Variants in ABCG2 observed in about 807,000 individuals in gnomAD.
ABCG2 encodes the protein ATP binding cassette subfamily G member 2 (JR blood group).
In ABCG2, 80 loss-of-function variants were observed where a neutral mutation model predicts 73.5. The ratio of observed to expected loss-of-function variants is 1.09; its 90% CI spans 0.91 to 1.31. The LOEUF (loss-of-function observed/expected upper bound fraction) is 1.31, where lower values mean the gene tolerates loss of function less well. Ranked by LOEUF, ABCG2 falls within the 50% of genes most tolerant of loss-of-function variation. ABCG2 has a pLI of 0.00. For missense variants in ABCG2, 796 were observed against 786.2 expected (o/e 1.01, Z -0.15); for synonymous variants, 269 against 282.4 (o/e 0.95, Z 0.48).
Position 88,158,443 on chromosome 4 carries a change from C to T in ABCG2, c.-77G>A, listed in dbSNP as rs887921889. 12 of 451,238 alleles carry T rather than the reference C, an allele frequency of 2.7e-5. No individual in the cohort carries two copies. Among genetic ancestry groups the T allele is most frequent in the African/African-American group, 2.2e-4 (11 of 49,942 alleles). The allele number at this position is 451,238 out of a possible 1,614,324, so 28.0% of individuals were successfully genotyped here. On this transcript the variant is annotated 5_prime_UTR_variant, in exon 1 of 16. Transcript: ENST00000237612. ...CTCAGGATCTCAGGATGCGTGCGCT[C>T]GGAGGCAGCGCTTTAACAATTAAGG... is the stretch of plus-strand genomic sequence containing the variant.
chr4:88,194,899 G>A, intron 1 of ABCG2, among the ~76,000 whole-genome samples: 1 of 152,122 alleles, frequency 6.6e-6, no homozygotes, highest in East Asian at 1.9e-4. Flanking sequence ...GGGACTTTGA[G>A]CTTTAATTTA....
upstream of ABCG2, chr4:88,158,779 G>C (rs1447099959): frequency 2.8e-6 from 1 of 356,702 alleles, no homozygotes; most frequent in Non-Finnish European, 5.3e-6. Flanking sequence ...AGGCGCTGCG[G>C]CTGGAGGTCA....
upstream of ABCG2, among the ~76,000 whole-genome samples, chr4:88,162,604 T>A (rs1007789666): frequency 6.6e-6 from 1 of 152,222 alleles, no homozygotes; most frequent in Non-Finnish European, 1.5e-5. Flanking sequence ...TTCTATTTGA[T>A]AAGTTCAGAT....
intron 1 of ABCG2, among the ~76,000 whole-genome samples, chr4:88,152,954 T>C (rs1726625185): frequency 6.6e-6 from 1 of 152,100 alleles, no homozygotes; most frequent in African/African-American, 2.4e-5. Flanking sequence ...GAAACAATTG[T>C]CCTATATAAG....
chr4:88,146,855 C>A (rs2725248), intron 1 of ABCG2, among the ~76,000 whole-genome samples: 114,790 of 148,464 alleles, frequency 0.77, 44,523 homozygotes, highest in African/African-American at 0.85. Context: ...TAAGCAACAG[C>A]GTAACCCTGT....
rs1729281066 is a variant in ABCG2 at position 88,203,899 on chromosome 4, C to T, written c.-20+27095G>A. ...CAATATTTTTTTTTTACAGATTACC[C>T]TGAAATACTTACTCTCTACTTTTGT... On this transcript the variant is annotated intron_variant, in intron 1 of 15. Transcript: ENST00000515655. Among the ~76,000 whole-genome samples, 9 of 151,792 alleles carry T rather than the reference C, an allele frequency of 5.9e-5. No individual in the cohort carries two copies. In the South Asian group the frequency reaches 1.7e-3, roughly 28 times the overall value.
intron 9 of ABCG2, 59 bp downstream of exon 9, chr4:88,113,244 A>G (rs1246175503): frequency 6.4e-6 from 10 of 1,561,844 alleles, no homozygotes; most frequent in Non-Finnish European, 8.7e-6. Flanking sequence ...ATCCTGAAGC[A>G]GATGATAACA....
chr4:88,095,082 A>G (rs1721900156), intron 14 of ABCG2, among the ~76,000 whole-genome samples: 1 of 152,192 alleles, frequency 6.6e-6, no homozygotes, highest in South Asian at 2.1e-4. Flanking sequence ...GCTTGGTTAT[A>G]CTATATTAAG....
rs1437974470 is a variant in ABCG2, at chr4:88,158,512, C to A, written c.-146G>T. 3 of 456,290 alleles carry A rather than the reference C, an allele frequency of 6.6e-6. No individual in the cohort carries two copies. Among genetic ancestry groups the A allele is most frequent in the Non-Finnish European group, 8.8e-6 (2 of 226,964 alleles). The allele number at this position is 456,290 out of a possible 1,614,324, so 28.3% of individuals were successfully genotyped here. ...GTCACCCGGACCTTCCAAACAAACT[C>A]TAAAGCAGCAGTTTCCACTTAACAA... is the stretch of plus-strand genomic sequence containing the variant. On this transcript the variant is annotated 5_prime_UTR_variant, in exon 1 of 16. An upstream open reading frame in the 5' UTR loses its in-frame stop. Transcript: ENST00000237612.
intron 14 of ABCG2, 39 bp from the exon 15 acceptor site, chr4:88,094,698 TA>T: frequency 6.6e-7 from 1 of 1,514,924 alleles, no homozygotes; most frequent in Non-Finnish European, 9.2e-7. Flanking sequence ...TAAACAGTTT[TA>T]AATTTCAAGA....
chr4:88,099,469 T>A (rs772239662), intron 11 of ABCG2, 21 bp from the exon 12 acceptor site: 7 of 1,584,350 alleles, frequency 4.4e-6, no homozygotes, highest in Non-Finnish European at 6.0e-6. Flanking sequence ...AAAATACGTA[T>A]CATACATCCA....
intron 1 of ABCG2, among the ~76,000 whole-genome samples, chr4:88,170,110 CAA>C (rs1161275708): frequency 2.3e-4 from 13 of 57,606 alleles, no homozygotes; most frequent in Non-Finnish European, 2.8e-4. Context: ...GACTCCGTCT[CAA>C]AAAAAAAAAA....
intron 1 of ABCG2, among the ~76,000 whole-genome samples, chr4:88,152,832 T>C (rs1161664499): frequency 2.0e-5 from 3 of 152,000 alleles, no homozygotes; most frequent in African/African-American, 7.3e-5. Flanking sequence ...ATGGGTGATG[T>C]TTCTCAGGGC....
At chr4:88,110,315 G>T (rs1400801494) in intron 9 of ABCG2, among the ~76,000 whole-genome samples, 1 of 152,046 alleles carries the variant, frequency 6.6e-6, no homozygotes, top group African/African-American at 2.4e-5. Flanking sequence ...ACTGAAGCGG[G>T]TGGACCCACC....
intron 1 of ABCG2, among the ~76,000 whole-genome samples, chr4:88,153,223 C>T (rs1015152097): frequency 0.089 from 5 of 56 alleles, no homozygotes; most frequent in Non-Finnish European, 0.16. Flanking sequence ...GCAGTGTAAA[C>T]AAGAGCGGGC....
chr4:88,137,526 A>T (rs1725336680), intron 2 of ABCG2, among the ~76,000 whole-genome samples: 1 of 152,212 alleles, frequency 6.6e-6, no homozygotes, highest in Non-Finnish European at 1.5e-5. Context: ...GTTGAATGAG[A>T]CTGAAGAGAC....
At chr4:88,141,737 A>C (rs1171561576) in intron 1 of ABCG2, among the ~76,000 whole-genome samples, 1 of 152,168 alleles carries the variant, frequency 6.6e-6, no homozygotes, top group Non-Finnish European at 1.5e-5. Flanking sequence ...CATAAGTTTA[A>C]AAATAATGAA....
At chr4:88,231,464 G>C (rs62309960), upstream of ABCG2, 18,344 of 152,170 alleles carry the variant, frequency 0.12, 1,445 homozygotes, top group Middle Eastern at 0.29. Flanking sequence ...TTACATGTCA[G>C]AGAGATATTT....
At chr4:88,153,616 G>A (rs866303042) in intron 1 of ABCG2, among the ~76,000 whole-genome samples, 2 of 151,524 alleles carry the variant, frequency 1.3e-5, no homozygotes, top group Non-Finnish European at 2.9e-5. Context: ...AATAAAGGCC[G>A]GTCCTCTATT....
Sources: gnomAD v4.1 joint callset for allele counts (sites outside exome capture counted in the v4.1 genomes callset) on GRCh38, gnomAD v4.1.1 for gene constraint, MANE v1.5 for transcripts, NCBI Gene and HGNC (gene_info 2026-07-23, HGNC 2026-07-21) for gene names.